Variants in MVB12A observed in about 807,000 individuals in gnomAD.
MVB12A encodes multivesicular body subunit 12A.
MVB12A carries 30 observed loss-of-function variants against 34.3 expected under a neutral mutation model. The observed-to-expected ratio is 0.88, with a 90% confidence interval of 0.65 to 1.19. The LOEUF (loss-of-function observed/expected upper bound fraction) is 1.19, where lower values mean the gene tolerates loss of function less well. Ranked by LOEUF, MVB12A falls within the 50% of genes most tolerant of loss-of-function variation. MVB12A has a pLI of 0.00. For synonymous variants in MVB12A, 158 were observed against 158.9 expected, an observed-to-expected ratio of 0.99 and a Z score of 0.04; for missense variants, 355 against 369.2, an observed-to-expected ratio of 0.96 and a Z score of 0.31.
chr19:17,420,331 G>A lies in MVB12A; in HGVS notation c.109G>A (p.Gly37Arg), dbSNP rs1279353235. Residue 37 changes from glycine (G) to arginine (R), a missense_variant, in exon 2 of 9, where the codon GGG (glycine) becomes AGG (arginine). Physicochemically the swap from Gly to Arg is moderately radical, Grantham distance 125. Coordinates refer to ENST00000317040, the MANE Select transcript of MVB12A (RefSeq NM_138401.4). ...CCGGTAGATCTCCTGCACCGTCGAG[G>A]GGGCACCCGCCAGCTTTGGCAAGAG... Reference protein sequence around the residue: ...GFSAISCTVEGAPASFGKSFA... With the variant: ...GFSAISCTVERAPASFGKSFA... 2.5e-6 allele frequency: 4 copies of A among 1,611,922 alleles called. No homozygotes were observed. Among genetic ancestry groups the A allele is most frequent in the Non-Finnish European group, 3.4e-6 (4 of 1,179,244 alleles).
At chr19:17,412,731 A>AAT (rs2145754006) in intron 2 of MVB12A, among the ~76,000 whole-genome samples, 1 of 152,356 alleles carries the variant, frequency 6.6e-6, no homozygotes, top group East Asian at 1.9e-4. Context: ...TCTGACTTTA[A>AAT]TTAGTGTCCA....
chr19:17,420,452 C>T lies in MVB12A; in HGVS notation c.189+41C>T, dbSNP rs534127684. The T allele has an allele frequency of 2.4e-5, 39 of 1,601,496 alleles. 1 individual carries two copies. In the South Asian group the frequency reaches 4.2e-4, roughly 17 times the overall value. ...CTTCGGAACCACCAGGGTCTGCCCA[C>T]CTCCCCTGCCCATTCACGGTGCCCT... On this transcript the variant is annotated intron_variant, in intron 2 of 8. Transcript: ENST00000317040.
chr19:17,408,599 G>A (rs1486484591), intron 2 of MVB12A, among the ~76,000 whole-genome samples: 5 of 148,078 alleles, frequency 3.4e-5, no homozygotes, highest in Non-Finnish European at 7.5e-5. Context: ...GGCGCCCACC[G>A]CCATGCCTGG....
chr19:17,422,431 A>C lies in MVB12A; in HGVS notation c.386A>C (p.Lys129Thr). Residue 129 changes from lysine (K) to threonine (T), a missense_variant, in exon 4 of 9, where the codon AAG (lysine) becomes ACG (threonine). Transcript: ENST00000317040. ...GATGTCCGGCTGAGTGGGAAGACCAAGACAGTGCCTGGATACCTTCGAATA... is the reference window on the plus strand; with the variant it reads ...GATGTCCGGCTGAGTGGGAAGACCACGACAGTGCCTGGATACCTTCGAATA... ...VFDVRLSGKT[K>T]TVPGYLRIGD... The C allele has an allele frequency of 6.2e-7, 1 of 1,613,416 alleles. No homozygotes were observed. The highest frequency in any genetic ancestry group is 8.5e-7 in the Non-Finnish European group (1 of 1,179,612).
At chr19:17,423,265 A>T (rs970372765) in intron 4 of MVB12A, among the ~76,000 whole-genome samples, 1 of 150,384 alleles carries the variant, frequency 6.6e-6, no homozygotes, top group African/African-American at 2.4e-5. Flanking sequence ...AGGCTGAGGC[A>T]GGAGAATCGT....
rs2145765815 is a variant in MVB12A at position 17,425,175 on chromosome 19, G to A, written c.*182G>A. The A allele has an allele frequency of 7.2e-6, 4 of 555,222 alleles. No homozygotes were observed. The Admixed American group carries it at 1.4e-4, about 20-fold the overall frequency. The allele number at this position is 555,222 out of a possible 1,614,324, so 34.4% of individuals were successfully genotyped here. ...GCAGCCCTGGAGGAGGGGGCGGGTC[G>A]AGGCTGCGTGGTGATGGGGTCTCCG... On this transcript the variant is annotated 3_prime_UTR_variant, in exon 9 of 9. Coordinates refer to ENST00000317040, the MANE Select transcript of MVB12A (RefSeq NM_138401.4).
At chr19:17,418,556 A>T (rs1390738794), upstream of MVB12A, among the ~76,000 whole-genome samples, 1 of 151,048 alleles carries the variant, frequency 6.6e-6, no homozygotes, top group Non-Finnish European at 1.5e-5. Context: ...CCACGCCTGG[A>T]TAGTTTTTTG....
intron 2 of MVB12A, among the ~76,000 whole-genome samples, chr19:17,407,387 T>A (rs2074735534): frequency 6.6e-6 from 1 of 152,124 alleles, no homozygotes; most frequent in African/African-American, 2.4e-5. Flanking sequence ...AGACTGGTAG[T>A]GGCCCCGAAT....
chr19:17,416,837 C>T (rs530354367), upstream of MVB12A, among the ~76,000 whole-genome samples: 3 of 150,520 alleles, frequency 2.0e-5, no homozygotes, highest in South Asian at 2.1e-4. Flanking sequence ...GTAGCTGAGA[C>T]GACAGGTGTG....
chr19:17,408,986 G>A (rs1219497430), intron 2 of MVB12A, among the ~76,000 whole-genome samples: 5 of 149,962 alleles, frequency 3.3e-5, no homozygotes, highest in Non-Finnish European at 7.4e-5. Context: ...CTGCCACCAT[G>A]CCTGGCTACT....
Position 17,423,492 on chromosome 19 carries a change from G to T in MVB12A, c.414-6G>T. 6.2e-7 allele frequency: 1 copy of T among 1,611,950 alleles called. No individual in the cohort carries two copies. Among genetic ancestry groups the T allele is most frequent in the East Asian group, 2.2e-5 (1 of 44,874 alleles). On this transcript the variant is annotated splice_polypyrimidine_tract_variant and splice_region_variant and intron_variant, in intron 4 of 8. Transcript: ENST00000317040. ...AGCATCCCTCCCACCTTCCCTCCTGGTCCAGGGACATGGGCGGCTTTGCCA... is the reference window on the plus strand; with the variant it reads ...AGCATCCCTCCCACCTTCCCTCCTGTTCCAGGGACATGGGCGGCTTTGCCA...
At chr19:17,408,135 A>C (rs1242935472) in intron 2 of MVB12A, among the ~76,000 whole-genome samples, 1 of 152,204 alleles carries the variant, frequency 6.6e-6, no homozygotes, top group African/African-American at 2.4e-5. Flanking sequence ...ATATTCATAT[A>C]TCTCTAAGAT....
chr19:17,407,904 C>T (rs892166630), intron 2 of MVB12A, among the ~76,000 whole-genome samples: 4 of 152,252 alleles, frequency 2.6e-5, no homozygotes, highest in Admixed American at 1.3e-4. Flanking sequence ...GGGCAACGGG[C>T]GTCTTCCCAG....
At chr19:17,409,441 CTTTTT>C (rs781196057) in intron 2 of MVB12A, among the ~76,000 whole-genome samples, 2,299 of 78,202 alleles carry the variant, frequency 0.029, 27 homozygotes, top group African/African-American at 0.043. Context: ...TCTGCCATTA[CTTTTT>C]TTTTTTTTTT....
rs951560965 is a variant in MVB12A, at chr19:17,420,125, C to G, written c.-11C>G. On this transcript the variant is annotated 5_prime_UTR_variant, in exon 1 of 9. Coordinates refer to ENST00000317040, the MANE Select transcript of MVB12A (RefSeq NM_138401.4). The stretch of plus-strand genomic sequence containing the variant: ...GCCCCGCGACCCCGCCTTCGGCGCT[C>G]GGCTCGCAGGATGGATCCCGTACCC... The G allele has an allele frequency of 1.5e-6, 2 of 1,332,188 alleles. No homozygotes were observed. The highest frequency in any genetic ancestry group is 3.1e-5 in the African/African-American group (2 of 64,772). 82.5% of individuals were successfully genotyped at this position (1,332,188 alleles called of 1,614,324 possible).
chr19:17,414,569 T>C (rs2074787670), intron 2 of MVB12A: 1 of 152,186 alleles, frequency 6.6e-6, no homozygotes, highest in Non-Finnish European at 1.5e-5. Context: ...GTGTTGTTTA[T>C]AGTATTAATA....
chr19:17,418,073 T>A (rs1305028220), upstream of MVB12A: 1 of 153,778 alleles, frequency 6.5e-6, no homozygotes, highest in Non-Finnish European at 1.5e-5. Context: ...ATTTTTGTAT[T>A]TTTAGTAGAG....
chr19:17,421,049 C>G, intron 3 of MVB12A: 1 of 464,410 alleles, frequency 2.2e-6, no homozygotes, highest in Non-Finnish European at 4.3e-6. Flanking sequence ...GTCACCTTCA[C>G]CCTTCCCTAC....
Position 17,420,686 on chromosome 19 carries a change from C to T in MVB12A, c.286+52C>T, listed in dbSNP as rs1403547914. On this transcript the variant is annotated intron_variant, in intron 3 of 8. Coordinates refer to ENST00000317040, the MANE Select transcript of MVB12A (RefSeq NM_138401.4). The stretch of plus-strand genomic sequence containing the variant: ...TGTCCGGGTCCCTTGCAGGGAGGAG[C>T]GGGGGAGGAGGGACGACGGGCGCGC... 4 of 1,379,776 alleles carry T rather than the reference C, an allele frequency of 2.9e-6. No homozygotes were observed. In the Admixed American group the frequency reaches 5.2e-5, roughly 18 times the overall value. The allele number at this position is 1,379,776 out of a possible 1,614,324, so 85.5% of individuals were successfully genotyped here.
Sources: gnomAD v4.1 joint callset for allele counts (sites outside exome capture counted in the v4.1 genomes callset) on GRCh38, gnomAD v4.1.1 for gene constraint, MANE v1.5 for transcripts, NCBI Gene and HGNC (gene_info 2026-07-23, HGNC 2026-07-21) for gene names.